Variants in LRRC4C observed in about 807,000 individuals in gnomAD.
LRRC4C encodes leucine-rich repeat-containing protein 4C.
A neutral mutation model predicts 33.6 loss-of-function variants in LRRC4C; 5 were observed. That is an observed-to-expected ratio of 0.15 (90% CI 0.08 to 0.31). The LOEUF (loss-of-function observed/expected upper bound fraction) is 0.31, where lower values mean the gene tolerates loss of function less well. Ranked by LOEUF, LRRC4C falls within the 10% of genes least tolerant of loss-of-function variation. The pLI is 1.00. For missense variants in LRRC4C, 560 were observed against 796.7 expected (o/e 0.70, Z 3.58); for synonymous variants, 329 against 302.0 (o/e 1.09, Z -0.93).
chr11:40,298,479 A>AT (rs1944620375), intron 4 of LRRC4C, among the ~76,000 whole-genome samples: 1 of 150,658 alleles, frequency 6.6e-6, no homozygotes, highest in African/African-American at 2.4e-5. Flanking sequence ...TGGACCAAGC[A>AT]TATTTCTTGG....
At chr11:40,803,624 A>AT (rs1324044942) in intron 2 of LRRC4C, among the ~76,000 whole-genome samples, 1 of 151,906 alleles carries the variant, frequency 6.6e-6, no homozygotes, top group African/African-American at 2.4e-5. Flanking sequence ...GAATTTATTT[A>AT]TTTTTTTGAG....
rs544266665 is a variant in LRRC4C, at chr11:40,705,913, T to C, written c.-406-57635A>G. 1.8e-4 allele frequency among the ~76,000 whole-genome samples: 28 copies of C among 152,280 alleles called. 1 individual carries two copies. Among genetic ancestry groups the C allele is most frequent in the Admixed American group, 9.8e-4 (15 of 15,290 alleles). The stretch of plus-strand genomic sequence containing the variant: ...GATCACCATTCTAACTGGTGTGAGA[T>C]GGTATCTCATTGTGGTTTTGATGTG... On this transcript the variant is annotated intron_variant, in intron 2 of 6. Coordinates refer to ENST00000528697, the MANE Select transcript of LRRC4C (RefSeq NM_001258419.2).
chr11:41,279,709 A>C (rs1244524402), intron 1 of LRRC4C, among the ~76,000 whole-genome samples: 1 of 152,130 alleles, frequency 6.6e-6, no homozygotes, highest in Non-Finnish European at 1.5e-5. Flanking sequence ...TTTGGCCAGA[A>C]GGAAATTTGA....
intron 1 of LRRC4C, among the ~76,000 whole-genome samples, chr11:41,258,709 T>C (rs1046383438): frequency 1.3e-5 from 2 of 151,908 alleles, no homozygotes; most frequent in African/African-American, 4.8e-5. Context: ...AATCAACTAG[T>C]TTCACTGGGA....
intron 1 of LRRC4C, among the ~76,000 whole-genome samples, chr11:41,071,612 A>G (rs1002459959): frequency 1.3e-5 from 2 of 152,166 alleles, no homozygotes; most frequent in African/African-American, 4.8e-5. Context: ...GAGCTCTGAT[A>G]AAGATATACA....
intron 3 of LRRC4C, among the ~76,000 whole-genome samples, chr11:40,472,131 T>C (rs1952973262): frequency 6.6e-6 from 1 of 151,666 alleles, no homozygotes; most frequent in Non-Finnish European, 1.5e-5. Context: ...ATACAAAAAA[T>C]TAGCTGGTCG....
At chr11:40,817,162 C>T (rs1375771646) in intron 2 of LRRC4C, among the ~76,000 whole-genome samples, 1 of 152,118 alleles carries the variant, frequency 6.6e-6, no homozygotes, top group Non-Finnish European at 1.5e-5. Flanking sequence ...AACTTTCCTG[C>T]CAGTGTGTCT....
At chr11:40,628,731 G>A (rs1963199272) in intron 3 of LRRC4C, among the ~76,000 whole-genome samples, 1 of 152,156 alleles carries the variant, frequency 6.6e-6, no homozygotes, top group African/African-American at 2.4e-5. Context: ...AGAAGTGTTT[G>A]CAATGTCAAT....
chr11:41,255,834 A>G (rs1017392984), intron 1 of LRRC4C, among the ~76,000 whole-genome samples: 3 of 152,006 alleles, frequency 2.0e-5, no homozygotes, highest in Admixed American at 1.3e-4. Context: ...TCAAGTGGGA[A>G]TGCCTTGATT....
Position 40,220,278 on chromosome 11 carries a change from C to T in LRRC4C, c.-96+21241G>A, listed in dbSNP as rs764525461. 5.3e-5 allele frequency among the ~76,000 whole-genome samples: 8 copies of T among 152,112 alleles called. No homozygotes were observed. The East Asian group carries it at 1.3e-3, about 26-fold the overall frequency. ...CAGAAAAGTCTGTCGACTCCTACAC[C>T]TCCCAAAAATTGTTAACTGTCATGA... On this transcript the variant is annotated intron_variant, in intron 5 of 6. Transcript: ENST00000528697.
At chr11:40,320,550 T>C (rs1945794077) in intron 3 of LRRC4C, among the ~76,000 whole-genome samples, 1 of 152,068 alleles carries the variant, frequency 6.6e-6, no homozygotes, top group South Asian at 2.1e-4. Flanking sequence ...TACACTGTAA[T>C]TTACATATTC....
chr11:40,134,679 G>A (rs1391606016), intron 6 of LRRC4C, among the ~76,000 whole-genome samples: 1 of 152,180 alleles, frequency 6.6e-6, no homozygotes, highest in East Asian at 1.9e-4. Flanking sequence ...TAAAATATAA[G>A]CTGAAGTAAC....
chr11:41,177,551 C>T (rs1945259543), intron 1 of LRRC4C, among the ~76,000 whole-genome samples: 1 of 152,122 alleles, frequency 6.6e-6, no homozygotes, highest in Non-Finnish European at 1.5e-5. Context: ...TCCCTCTCTA[C>T]CTTCAACCCT....
intron 1 of LRRC4C, among the ~76,000 whole-genome samples, chr11:41,443,296 T>C (rs1955713300): frequency 6.6e-6 from 1 of 151,994 alleles, no homozygotes; most frequent in South Asian, 2.1e-4. Context: ...TCACTTGAGC[T>C]CAGGAGTTAG....
intron 2 of LRRC4C, among the ~76,000 whole-genome samples, chr11:40,822,860 T>A (rs1432802630): frequency 1.3e-5 from 2 of 151,776 alleles, no homozygotes; most frequent in Admixed American, 6.6e-5. Flanking sequence ...TAGTGAGAGA[T>A]AGGGGTTTAG....
chr11:40,383,380 T>C (rs562789458), intron 3 of LRRC4C, among the ~76,000 whole-genome samples: 1 of 152,288 alleles, frequency 6.6e-6, no homozygotes, highest in African/African-American at 2.4e-5. Flanking sequence ...TACCCAGAAG[T>C]GGGATTGCTG....
At chr11:40,996,783 G>A (rs1156824860) in intron 1 of LRRC4C, among the ~76,000 whole-genome samples, 2 of 152,034 alleles carry the variant, frequency 1.3e-5, no homozygotes, top group Non-Finnish European at 2.9e-5. Flanking sequence ...AGCAAAAGAG[G>A]AGAGGGAGTA....
chr11:41,393,794 G>T (rs1487475602), intron 1 of LRRC4C, among the ~76,000 whole-genome samples: 1 of 151,868 alleles, frequency 6.6e-6, no homozygotes, highest in Non-Finnish European at 1.5e-5. Context: ...GGAAATACTG[G>T]ATCACATATT....
intron 2 of LRRC4C, among the ~76,000 whole-genome samples, chr11:40,778,283 C>A (rs1316473625): frequency 3.3e-5 from 5 of 152,118 alleles, no homozygotes; most frequent in Non-Finnish European, 5.9e-5. Flanking sequence ...ATTTTTATTT[C>A]TATTGGACAG....
Sources: gnomAD v4.1 joint callset for allele counts (sites outside exome capture counted in the v4.1 genomes callset) on GRCh38, gnomAD v4.1.1 for gene constraint, MANE v1.5 for transcripts, NCBI Gene and HGNC (gene_info 2026-07-23, HGNC 2026-07-21) for gene names.